ESR1: variants seen among roughly 807,000 people sequenced by gnomAD.
ESR1 encodes estrogen receptor 1.
Under a neutral mutation model 52.7 loss-of-function variants are expected in ESR1, and 12 were observed. That is an observed-to-expected ratio of 0.23 (90% CI 0.15 to 0.37). The LOEUF (loss-of-function observed/expected upper bound fraction) is 0.37, where lower values mean the gene tolerates loss of function less well. Among genes scored for constraint, ESR1 ranks in the 10% least tolerant of loss-of-function variants. The probability of loss-of-function intolerance (pLI) is 1.00; values close to 1 mark genes in which losing one functional copy is unlikely to be tolerated. For missense variants in ESR1, 584 were observed against 779.7 expected, an observed-to-expected ratio of 0.75 and a Z score of 2.99; for synonymous variants, 305 against 316.8, an observed-to-expected ratio of 0.96 and a Z score of 0.39.
At position 152,065,276 on chromosome 6, in the gene ESR1, G is replaced by A. The variant is rs564950500; in HGVS notation, c.1369+4152G>A. 3.3e-5 allele frequency among the ~76,000 whole-genome samples: 5 copies of A among 152,172 alleles called. No homozygotes were observed. In the South Asian group the frequency reaches 1.0e-3, roughly 32 times the overall value. On this transcript the variant is annotated intron_variant, in intron 6 of 7. Coordinates refer to ENST00000206249, the MANE Select transcript of ESR1 (RefSeq NM_000125.4). ...TGTGGATAATAATTGATTGTGATTG[G>A]GACTTACCGTTGAGAGACCCTGATG...
At chr6:152,091,137 C>A (rs2050147171) in intron 6 of ESR1, among the ~76,000 whole-genome samples, 1 of 152,182 alleles carries the variant, frequency 6.6e-6, no homozygotes. Flanking sequence ...TTACCAGCAG[C>A]CCTGTTTTGC....
Position 151,714,505 on chromosome 6 carries a change from T to C in ESR1, c.-71+12500T>C, listed in dbSNP as rs8180667. On this transcript the variant is annotated intron_variant, in intron 2 of 2. Coordinates refer to the ESR1 transcript ENST00000404742. ...TGTAGGTCTCTAAGAACTTGCTTTATGAATCTGGGTGCTGCTGTATTGGGT... is the reference window on the plus strand; with the variant it reads ...TGTAGGTCTCTAAGAACTTGCTTTACGAATCTGGGTGCTGCTGTATTGGGT... Among the ~76,000 whole-genome samples, 10 of 152,338 alleles carry C rather than the reference T, an allele frequency of 6.6e-5. No individual in the cohort carries two copies. The East Asian group carries it at 1.2e-3, about 18-fold the overall frequency.
At chr6:151,843,811 T>C (rs1237581620) in intron 2 of ESR1, among the ~76,000 whole-genome samples, 1 of 152,124 alleles carries the variant, frequency 6.6e-6, no homozygotes, top group African/African-American at 2.4e-5. Context: ...AAGAAGTGAT[T>C]CTCATGGACT....
intron 2 of ESR1, among the ~76,000 whole-genome samples, chr6:151,787,497 T>A (rs1461305676): frequency 6.6e-6 from 1 of 152,218 alleles, no homozygotes; most frequent in Non-Finnish European, 1.5e-5. Flanking sequence ...TTTTTCCATT[T>A]GTTTGTGTCA....
chr6:151,804,652 T>C (rs1174112948), upstream of ESR1: 1 of 152,222 alleles, frequency 6.6e-6, no homozygotes, highest in African/African-American at 2.4e-5. Context: ...TGGCTTTCTA[T>C]TTCTTTTTTG....
chr6:152,038,177 G>T (rs2045474662), intron 5 of ESR1, among the ~76,000 whole-genome samples: 1 of 152,168 alleles, frequency 6.6e-6, no homozygotes, highest in Non-Finnish European at 1.5e-5. Flanking sequence ...ATGTTTGAGG[G>T]CAGGAAGCAT....
rs149369706 is a variant in ESR1, at chr6:151,860,433, A to T, written c.643+17646A>T. The stretch of plus-strand genomic sequence containing the variant: ...ACCTCTCTATTTTCTCCACTATTCC[A>T]TGCCTGAAATTGTGGGATATAGGTA... On this transcript the variant is annotated intron_variant, in intron 2 of 7. Transcript: ENST00000206249. Among the ~76,000 whole-genome samples the T allele has an allele frequency of 3.3e-5, 5 of 152,288 alleles. No homozygotes were observed. The East Asian group carries it at 9.6e-4, about 29-fold the overall frequency.
At chr6:151,944,109 T>G (rs2035426695) in intron 3 of ESR1, 64 bp from the exon 4 acceptor site, 4 of 1,460,094 alleles carry the variant, frequency 2.7e-6, no homozygotes, top group Non-Finnish European at 3.8e-6. Flanking sequence ...CTTTGAAAAT[T>G]TTTTGTATAA....
chr6:151,964,523 G>A (rs1033765178), intron 4 of ESR1, among the ~76,000 whole-genome samples: 8 of 151,898 alleles, frequency 5.3e-5, no homozygotes, highest in Non-Finnish European at 1.2e-4. Flanking sequence ...TATTTTGTAT[G>A]CTTCAACTTT....
At chr6:151,975,929 C>G (rs1299083017) in intron 4 of ESR1, among the ~76,000 whole-genome samples, 1 of 152,166 alleles carries the variant, frequency 6.6e-6, no homozygotes, top group African/African-American at 2.4e-5. Flanking sequence ...GGAGCCTCCC[C>G]TTAACTGGGT....
chr6:151,922,048 G>A (rs1384531540), intron 3 of ESR1, among the ~76,000 whole-genome samples: 1 of 151,722 alleles, frequency 6.6e-6, no homozygotes, highest in Non-Finnish European at 1.5e-5. Context: ...TTTTCTTCTA[G>A]GGGACTTCAA....
intron 3 of ESR1, among the ~76,000 whole-genome samples, chr6:151,882,778 T>C (rs1179032342): frequency 6.6e-6 from 1 of 152,058 alleles, no homozygotes; most frequent in African/African-American, 2.4e-5. Flanking sequence ...TTTTTGTAAT[T>C]AATATCCAGA....
rs1010435891 is a variant in ESR1 at position 151,691,944 on chromosome 6, C to A, written c.-202+1280C>A. On this transcript the variant is annotated intron_variant, in intron 1 of 2. Transcript: ENST00000404742. ...TGCTGTAGCAGTTGGATAAAATACT[C>A]TAGAATGTCAGATTTTCAAGGAAAT... Among the ~76,000 whole-genome samples the A allele has an allele frequency of 2.6e-5, 4 of 152,208 alleles. No individual in the cohort carries two copies. The East Asian group carries it at 7.7e-4, about 29-fold the overall frequency.
intron 2 of ESR1, among the ~76,000 whole-genome samples, chr6:151,754,352 G>A (rs2982567): frequency 0.58 from 86,781 of 149,618 alleles, 25,783 homozygotes; most frequent in African/African-American, 0.65. Context: ...CATAAGGGAT[G>A]GATAAAAGAG....
chr6:152,115,657 C>T (rs138425693), intron 6 of ESR1, among the ~76,000 whole-genome samples: 291 of 152,152 alleles, frequency 1.9e-3, no homozygotes, highest in Middle Eastern at 3.4e-3. Flanking sequence ...ACTTCATATC[C>T]AGATTTAATT....
intron 2 of ESR1, among the ~76,000 whole-genome samples, chr6:151,706,230 C>T (rs1780174587): frequency 6.6e-6 from 1 of 152,164 alleles, no homozygotes; most frequent in South Asian, 2.1e-4. Context: ...TATTGCTGCT[C>T]ATCAAAGTGG....
intron 3 of ESR1, among the ~76,000 whole-genome samples, chr6:151,918,102 A>T (rs1034840815): frequency 6.0e-4 from 92 of 152,304 alleles, no homozygotes; most frequent in African/African-American, 2.1e-3. Context: ...GTGGGCAGAT[A>T]CCCAGTGATG....
chr6:151,719,066 T>C (rs1385766641), intron 2 of ESR1, among the ~76,000 whole-genome samples: 12 of 152,186 alleles, frequency 7.9e-5, no homozygotes, highest in African/African-American at 2.7e-4. Flanking sequence ...CAATCCAATT[T>C]ATAGCATCCA....
intron 3 of ESR1, among the ~76,000 whole-genome samples, chr6:151,927,552 G>A (rs147596338): frequency 5.3e-5 from 8 of 152,204 alleles, no homozygotes; most frequent in African/African-American, 1.9e-4. Flanking sequence ...TTCTCCATGT[G>A]TGAGTTTTGG....
Sources: gnomAD v4.1 joint callset for allele counts (sites outside exome capture counted in the v4.1 genomes callset) on GRCh38, gnomAD v4.1.1 for gene constraint, MANE v1.5 for transcripts, NCBI Gene and HGNC (gene_info 2026-07-23, HGNC 2026-07-21) for gene names.